ZBED1: variants seen among roughly 807,000 people sequenced by gnomAD.
ZBED1 encodes the protein E3 SUMO-protein ligase ZBED1.
Under a neutral mutation model 49.7 loss-of-function variants are expected in ZBED1, and 19 were observed. The observed-to-expected ratio is 0.38, with a 90% CI of 0.27 to 0.56. ZBED1 has a LOEUF of 0.56. Among genes scored for constraint, ZBED1 ranks in the 20% least tolerant of loss-of-function variants. The pLI is 0.70. For missense variants in ZBED1, 806 were observed against 972.6 expected (o/e 0.83, Z 2.28); for synonymous variants, 439 against 440.3 (o/e 1.00, Z 0.04).
In ZBED1 at chrX:2,487,518, C is replaced by A. The variant is rs1389391799; in HGVS notation, c.*1117G>T. ...TAGCTGGGATTACAGGCGGGTGCCA[C>A]CGCATCTGGCTAGTTTCTTGTATTT... On this transcript the variant is annotated 3_prime_UTR_variant, in exon 2 of 2. Transcript: ENST00000652001. The A allele has an allele frequency of 2.0e-5, 3 of 152,244 alleles. No homozygotes were observed. Among genetic ancestry groups the A allele is most frequent in the Non-Finnish European group, 4.4e-5 (3 of 68,070 alleles). The allele number at this position is 152,244 out of a possible 1,614,324, so 9.4% of individuals were successfully genotyped here. A position where few individuals can be genotyped will look rare whatever the true frequency, so the allele number is the denominator to read the frequency against.
chrX:2,491,835 G>A (rs1569347600), intron 1 of ZBED1, among the ~76,000 whole-genome samples: 1 of 152,170 alleles, frequency 6.6e-6, no homozygotes, highest in South Asian at 2.1e-4. Context: ...TCAGGCAGTC[G>A]GTGTGGAGGC....
Position 2,490,298 on chromosome X carries a change from G to A in ZBED1, c.422C>T (p.Ala141Val), listed in dbSNP as rs775386146. Residue 141 changes from alanine to valine, a missense_variant, in exon 2 of 2, where the codon GCC becomes GTC. This residue lies in a region of ZBED1 where 749 missense variants were observed against 861.3 expected (regional missense o/e 0.87). Coordinates refer to ENST00000652001, the MANE Select transcript of ZBED1 (RefSeq NM_001171136.2). ...LGLICEGLYP[A>V]SIVDEPTFKV... Reference sequence around the variant, plus strand: ...GAAGGTGGGCTCGTCCACGATGGAGGCTGGGTACAGCCCCTCGCAGATGAG... The same window carrying A: ...GAAGGTGGGCTCGTCCACGATGGAGACTGGGTACAGCCCCTCGCAGATGAG... The A allele has an allele frequency of 4.0e-5, 65 of 1,613,428 alleles. No individual in the cohort carries two copies. Among genetic ancestry groups the A allele is most frequent in the Non-Finnish European group, 5.3e-5 (63 of 1,179,882 alleles).
rs749308550 is a variant in ZBED1 at position 2,490,301 on chromosome X, G to A, written c.419C>T (p.Pro140Leu). ...GGTGGGCTCGTCCACGATGGAGGCT[G>A]GGTACAGCCCCTCGCAGATGAGGCC... ...VLGLICEGLY[P>L]ASIVDEPTFK... The change falls in exon 2 of 2, where the codon CCA (proline) becomes CTA (leucine). Residue 140 changes from proline to leucine, a missense_variant. Transcript: ENST00000652001. 6.8e-6 allele frequency: 11 copies of A among 1,613,552 alleles called. No individual in the cohort carries two copies. In the South Asian group the frequency reaches 1.1e-4, roughly 16 times the overall value.
rs897185301 is a variant in ZBED1, at chrX:2,488,633, C to T, written c.*2G>A. On this transcript the variant is annotated 3_prime_UTR_variant, in exon 2 of 2. Coordinates refer to ENST00000652001, the MANE Select transcript of ZBED1 (RefSeq NM_001171136.2). ...TGACTTGTAAGACAACACGCTTCCT[C>T]GCTACAGGAAGCTGCTGTCCCTAAT... 4 of 1,591,508 alleles carry T rather than the reference C, an allele frequency of 2.5e-6. No individual in the cohort carries two copies. In the East Asian group the frequency reaches 6.7e-5, roughly 27 times the overall value.
Position 2,488,660 on chromosome X carries a change from C to T in ZBED1, c.2060G>A (p.Gly687Asp). The T allele has an allele frequency of 6.2e-7, 1 of 1,610,036 alleles. No homozygotes were observed. Among genetic ancestry groups the T allele is most frequent in the East Asian group, 2.2e-5 (1 of 44,844 alleles). Residue 687 changes from glycine to aspartate, a missense_variant, in exon 2 of 2, where the codon GGC becomes GAC. Coordinates refer to ENST00000652001, the MANE Select transcript of ZBED1 (RefSeq NM_001171136.2). ...LGDGVSGGFFGIRDSSFL is the reference protein window; with the variant it reads ...LGDGVSGGFFDIRDSSFL ...CTACAGGAAGCTGCTGTCCCTAATG[C>T]CAAAGAAACCGCCGCTGACGCCATC... is the stretch of plus-strand genomic sequence containing the variant.
At chrX:2,492,404 CAGGA>C (rs2045175498) in intron 1 of ZBED1, among the ~76,000 whole-genome samples, 1 of 151,550 alleles carries the variant, frequency 6.6e-6, no homozygotes, top group Non-Finnish European at 1.5e-5. Flanking sequence ...CTGGGAGAGG[CAGGA>C]AGGATCCTCC....
At chrX:2,491,290 G>A (rs543532804) in intron 1 of ZBED1, among the ~76,000 whole-genome samples, 142 of 152,196 alleles carry the variant, frequency 9.3e-4, no homozygotes, top group South Asian at 7.7e-3. Context: ...GGCTGGTCTC[G>A]AACTCCTGAC....
chrX:2,494,709 T>A, intron 1 of ZBED1, among the ~76,000 whole-genome samples: 1 of 151,964 alleles, frequency 6.6e-6, no homozygotes, highest in East Asian at 1.9e-4. Context: ...ACTATTCTTA[T>A]TATTACTATT....
At chrX:2,491,407 T>C (rs2045141959) in intron 1 of ZBED1, among the ~76,000 whole-genome samples, 1 of 152,186 alleles carries the variant, frequency 6.6e-6, no homozygotes, top group Non-Finnish European at 1.5e-5. Flanking sequence ...TTGTTGTTCC[T>C]GTCCTAAGAG....
chrX:2,489,731 T>C lies in ZBED1; in HGVS notation c.989A>G (p.Tyr330Cys). 1.2e-6 allele frequency: 2 copies of C among 1,613,182 alleles called. No homozygotes were observed. Among genetic ancestry groups the C allele is most frequent in the Non-Finnish European group, 1.7e-6 (2 of 1,179,858 alleles). Reference sequence around the variant, plus strand: ...CTGCTTCTGCTTCTCATAGAGCATGTACATGGCCACGGCAGACTGCTGGAA... The same window carrying C: ...CTGCTTCTGCTTCTCATAGAGCATGCACATGGCCACGGCAGACTGCTGGAA... ...EYFQQSAVAM[Y>C]MLYEKQKQQN... The change falls in exon 2 of 2, where the codon TAC (tyrosine) becomes TGC (cysteine). Residue 330 changes from tyrosine to cysteine, a missense_variant. Physicochemically the swap from Tyr to Cys is radical, Grantham distance 194 (BLOSUM62 -2). This residue lies in a region of ZBED1 where 749 missense variants were observed against 861.3 expected (regional missense o/e 0.87). Coordinates refer to ENST00000652001, the MANE Select transcript of ZBED1 (RefSeq NM_001171136.2).
At chrX:2,494,391 A>G (rs1449786472) in intron 1 of ZBED1, among the ~76,000 whole-genome samples, 1 of 151,872 alleles carries the variant, frequency 6.6e-6, no homozygotes, top group African/African-American at 2.4e-5. Flanking sequence ...TTTTTATTCT[A>G]TTATTATTAC....
rs1454381018 is a variant in ZBED1, at chrX:2,486,665, C to T, written c.*1970G>A. On this transcript the variant is annotated 3_prime_UTR_variant, in exon 2 of 2. Coordinates refer to ENST00000652001, the MANE Select transcript of ZBED1 (RefSeq NM_001171136.2). ...GTGGGCTGCCCTGCGTCCCCGGCCT[C>T]GGGGCAGAACAGGGAGCAACCCCAA... 1 of 152,264 alleles carries T rather than the reference C, an allele frequency of 6.6e-6. No homozygotes were observed. The highest frequency in any genetic ancestry group is 2.4e-5 in the African/African-American group (1 of 41,462). 9.4% of individuals were successfully genotyped at this position (152,264 alleles called of 1,614,324 possible).
Position 2,489,567 on chromosome X carries a change from T to A in ZBED1, c.1153A>T (p.Met385Leu), listed in dbSNP as rs781625611. 1.2e-6 allele frequency: 2 copies of A among 1,612,610 alleles called. No homozygotes were observed. The highest frequency in any genetic ancestry group is 8.5e-7 in the Non-Finnish European group (1 of 1,179,808). Residue 385 changes from methionine to leucine, a missense_variant, in exon 2 of 2, where the codon ATG becomes TTG. By Grantham distance (15) the Met-to-Leu change is conservative. Coordinates refer to ENST00000652001, the MANE Select transcript of ZBED1 (RefSeq NM_001171136.2). ...LVEDSNNHHL[M>L]LEASEWATIE... ...GTGGCCCACTCGCTGGCCTCCAGCA[T>A]GAGGTGGTGGTTGTTGCTGTCCTCC...
At chrX:2,498,641 A>AAATC (rs1009679794) in intron 1 of ZBED1, among the ~76,000 whole-genome samples, 2 of 151,742 alleles carry the variant, frequency 1.3e-5, no homozygotes, top group Non-Finnish European at 2.9e-5. Context: ...AAAAAAAAAA[A>AAATC]AAGATTCCAG....
At position 2,488,630 on chromosome X, in the gene ZBED1, C is replaced by T. The variant is rs2045014674; in HGVS notation, c.*5G>A. The T allele has an allele frequency of 1.3e-6, 2 of 1,589,754 alleles. No individual in the cohort carries two copies. Among genetic ancestry groups the T allele is most frequent in the South Asian group, 1.1e-5 (1 of 88,342 alleles). ...GGATGACTTGTAAGACAACACGCTT[C>T]CTCGCTACAGGAAGCTGCTGTCCCT... On this transcript the variant is annotated 3_prime_UTR_variant, in exon 2 of 2. Coordinates refer to ENST00000652001, the MANE Select transcript of ZBED1 (RefSeq NM_001171136.2).
chrX:2,488,512 T>C lies in ZBED1; in HGVS notation c.*123A>G. ...TCAAATCTCTTTCCTTTTTCCACCT[T>C]CTAGGTGTCAAAGACAGTGGATGGT... On this transcript the variant is annotated 3_prime_UTR_variant, in exon 2 of 2. Coordinates refer to ENST00000652001, the MANE Select transcript of ZBED1 (RefSeq NM_001171136.2). 3.9e-6 allele frequency: 5 copies of C among 1,270,416 alleles called. No homozygotes were observed. The highest frequency in any genetic ancestry group is 1.6e-5 in the South Asian group (1 of 63,522). 78.7% of individuals were successfully genotyped at this position (1,270,416 alleles called of 1,614,324 possible). A position where few individuals can be genotyped will look rare whatever the true frequency, so the allele number is the denominator to read the frequency against.
chrX:2,493,441 A>G (rs1455334567), intron 1 of ZBED1, among the ~76,000 whole-genome samples: 2 of 151,834 alleles, frequency 1.3e-5, no homozygotes, highest in Admixed American at 6.6e-5. Context: ...CTCAAACAAA[A>G]GTTTAAATTC....
rs1486365041 is a variant in ZBED1 at position 2,500,919 on chromosome X, G to A, written c.-156C>T. 1.4e-5 allele frequency: 15 copies of A among 1,094,232 alleles called. No homozygotes were observed. Among genetic ancestry groups the A allele is most frequent in the Admixed American group, 5.2e-5 (1 of 19,272 alleles). 67.8% of individuals were successfully genotyped at this position (1,094,232 alleles called of 1,614,324 possible). On this transcript the variant is annotated 5_prime_UTR_variant, in exon 1 of 2. Coordinates refer to ENST00000652001, the MANE Select transcript of ZBED1 (RefSeq NM_001171136.2). The stretch of plus-strand genomic sequence containing the variant: ...AGGGCCGCCCGCGCCGCAGACAATG[G>A]CGACATGGCTGCCCCGGCCGCGCCG...
At chrX:2,494,359 G>T (rs942822626) in intron 1 of ZBED1, among the ~76,000 whole-genome samples, 30 of 151,802 alleles carry the variant, frequency 2.0e-4, no homozygotes, top group African/African-American at 6.5e-4. Flanking sequence ...GCTGAAAGAG[G>T]TTCTAGAACC....
Sources: gnomAD v4.1 joint callset for allele counts (sites outside exome capture counted in the v4.1 genomes callset) on GRCh38, gnomAD v4.1.1 for gene constraint, gnomAD v4.1.1 regional missense constraint, MANE v1.5 for transcripts, NCBI Gene and HGNC (gene_info 2026-07-23, HGNC 2026-07-21) for gene names.